The following UVSSA variants were observed in gnomAD, a reference collection of about 807,000 sequenced individuals.
UVSSA encodes the protein UV stimulated scaffold protein A.
In UVSSA, 72 loss-of-function variants were observed where a neutral mutation model predicts 73.9. The observed-to-expected ratio is 0.97, with a 90% CI of 0.81 to 1.19. The LOEUF is 1.19. Ranked by LOEUF, UVSSA falls within the 50% of genes most tolerant of loss-of-function variation. UVSSA has a pLI of 0.00. For missense variants in UVSSA, 1,150 were observed against 965.0 expected (o/e 1.19, Z -2.54); for synonymous variants, 454 against 391.3 (o/e 1.16, Z -1.89).
intron 13 of UVSSA, chr4:1,385,396 G>A (rs1719997156): frequency 4.9e-6 from 1 of 203,662 alleles, no homozygotes; most frequent in Non-Finnish European, 1.0e-5. Context: ...CCTGCTCCCC[G>A]GAATGCCTGC....
upstream of UVSSA, among the ~76,000 whole-genome samples, chr4:1,347,082 C>T (rs1276524459): frequency 6.6e-6 from 1 of 152,086 alleles, no homozygotes; most frequent in East Asian, 1.9e-4. Context: ...CCGCGTCGAG[C>T]GGTAGGTGCA....
At chr4:1,356,519 C>T (rs1401343072) in intron 7 of UVSSA, 1 of 152,256 alleles carries the variant, frequency 6.6e-6, no homozygotes, top group Non-Finnish European at 1.5e-5. Context: ...CACCTTGCTC[C>T]ACAAGGAAAT....
intron 7 of UVSSA, among the ~76,000 whole-genome samples, chr4:1,355,805 G>T (rs1263004039): frequency 6.6e-6 from 1 of 152,154 alleles, no homozygotes; most frequent in Non-Finnish European, 1.5e-5. Context: ...CTGGAGGCTG[G>T]AGGGAGGTTT....
At chr4:1,384,945 G>A (rs1408780433) in intron 13 of UVSSA, 1 of 152,382 alleles carries the variant, frequency 6.6e-6, no homozygotes. Flanking sequence ...GAGGCTGCCT[G>A]GGGCCCCTGG....
chr4:1,381,052 C>G (rs1192857629), intron 12 of UVSSA, 64 bp downstream of exon 12: 13 of 1,460,462 alleles, frequency 8.9e-6, no homozygotes, highest in Middle Eastern at 2.4e-4. Flanking sequence ...ACTAGTGGCC[C>G]GGGGTGTGTC....
upstream of UVSSA, among the ~76,000 whole-genome samples, chr4:1,345,788 C>A (rs1316364819): frequency 6.6e-6 from 1 of 151,660 alleles, no homozygotes; most frequent in Non-Finnish European, 1.5e-5. Context: ...CTGGACTTAG[C>A]AATTGGTAAG....
chr4:1,349,849 A>G lies in UVSSA; in HGVS notation c.424A>G (p.Lys142Glu), dbSNP rs760103572. Residue 142 changes from lysine to glutamate, a missense_variant, in exon 3 of 14, where the codon AAA becomes GAA. Physicochemically the swap from Lys to Glu is moderately conservative, Grantham distance 56 (BLOSUM62 1). Coordinates refer to ENST00000389851, the MANE Select transcript of UVSSA (RefSeq NM_020894.4). ...ALGYHFLRHN[K>E]KVDFQDTNAR... is the part of the protein sequence containing the mutation. ...GGGCTACCACTTCTTAAGACACAAC[A>G]AAAAGGTAGGTGGGCCTGGCCCATT... The G allele has an allele frequency of 1.2e-5, 19 of 1,543,364 alleles. No homozygotes were observed. Among genetic ancestry groups the G allele is most frequent in the Non-Finnish European group, 1.6e-5 (18 of 1,145,598 alleles).
intron 7 of UVSSA, among the ~76,000 whole-genome samples, chr4:1,358,261 G>A (rs532997705): frequency 6.6e-6 from 1 of 152,346 alleles, no homozygotes; most frequent in South Asian, 2.1e-4. Flanking sequence ...GTGCTTGGAG[G>A]GCCCCTCGTC....
At chr4:1,382,363 C>T (rs947256735) in intron 12 of UVSSA, among the ~76,000 whole-genome samples, 5 of 152,246 alleles carry the variant, frequency 3.3e-5, no homozygotes, top group African/African-American at 1.2e-4. Flanking sequence ...GAAATAGTGT[C>T]TCTTTACTAA....
chr4:1,395,373 A>G (rs71614973), exon 14 of UVSSA: 497,483 of 1,390,982 alleles, frequency 0.36, 107,509 homozygotes, highest in Non-Finnish European at 0.39. Context: ...GCCGATGTGG[A>G]GTGCCCGCCT....
chr4:1,385,853 C>G lies in UVSSA; in HGVS notation c.2037-15C>G. On this transcript the variant is annotated splice_polypyrimidine_tract_variant and intron_variant, in intron 13 of 13. Transcript: ENST00000389851. ...GGAAGCCTCCCAGGTCACATCTTGC[C>G]TTGTTTCCCCACAGGGCAGCTGTGC... 6.2e-7 allele frequency: 1 copy of G among 1,613,928 alleles called. No individual in the cohort carries two copies. Among genetic ancestry groups the G allele is most frequent in the Non-Finnish European group, 8.5e-7 (1 of 1,179,950 alleles).
At chr4:1,384,068 C>T in intron 13 of UVSSA, 128 bp downstream of exon 13, 1 of 1,229,162 alleles carries the variant, frequency 8.1e-7, no homozygotes, top group Non-Finnish European at 1.1e-6. Context: ...GCTTTGAGTT[C>T]CCCTGGGGGA....
intron 8 of UVSSA, among the ~76,000 whole-genome samples, chr4:1,366,835 G>C (rs549902909): frequency 6.6e-6 from 1 of 152,324 alleles, no homozygotes; most frequent in African/African-American, 2.4e-5. Context: ...CCTGCTGTGA[G>C]GACGCAGCGG....
intron 7 of UVSSA, among the ~76,000 whole-genome samples, chr4:1,361,851 CA>C (rs1172205353): frequency 3.4e-5 from 5 of 148,302 alleles, no homozygotes; most frequent in East Asian, 4.1e-4. Context: ...GGCCTTACAT[CA>C]TTTTTTTTTT....
intron 8 of UVSSA, among the ~76,000 whole-genome samples, chr4:1,371,222 C>T (rs988958598): frequency 6.6e-6 from 1 of 151,736 alleles, no homozygotes; most frequent in East Asian, 1.9e-4. Context: ...CTGCAGCTCA[C>T]CCGTGTTCAG....
In UVSSA at chr4:1,375,500, A is replaced by G; in HGVS notation, c.1425A>G (p.Ser475=). The G allele has an allele frequency of 3.7e-6, 6 of 1,610,070 alleles. No individual in the cohort carries two copies. In the Admixed American group the frequency reaches 5.0e-5, roughly 13 times the overall value. Residue 475 remains serine, a synonymous_variant, in exon 9 of 14, where the codon TCA becomes TCG. Coordinates refer to ENST00000389851, the MANE Select transcript of UVSSA (RefSeq NM_020894.4). The stretch of plus-strand genomic sequence containing the variant: ...TCCGGGACCACTTGCCTCCACCCTC[A>G]TCTGCCAGGTGACTCCCAGTGTCCT... The part of the protein sequence containing the change: ...RQLRDHLPPP[S]SASPSRALPE...
At chr4:1,353,522 TGG>T in intron 5 of UVSSA, 109 bp downstream of exon 5, 1 of 1,377,806 alleles carries the variant, frequency 7.3e-7, no homozygotes, top group South Asian at 1.6e-5. Context: ...GGGCCTCCCC[TGG>T]GGAGCTAGGT....
At chr4:1,354,602 C>G in intron 5 of UVSSA, 133 bp from the exon 6 acceptor site, 2 of 697,914 alleles carry the variant, frequency 2.9e-6, no homozygotes, top group Non-Finnish European at 5.0e-6. Context: ...GTTTGGGATT[C>G]CCGGGGGCAG....
At chr4:1,356,098 A>G (rs1715701802) in intron 7 of UVSSA, among the ~76,000 whole-genome samples, 1 of 152,138 alleles carries the variant, frequency 6.6e-6, no homozygotes, top group Admixed American at 6.5e-5. Context: ...CTCTCCCTTC[A>G]GGAACCCAAG....
Sources: allele counts gnomAD v4.1 joint callset (sites outside exome capture counted in the v4.1 genomes callset), GRCh38; gene constraint gnomAD v4.1.1; transcripts MANE v1.5; gene names NCBI Gene and HGNC (gene_info 2026-07-23, HGNC 2026-07-21).